Variants in CAMTA1 observed in about 807,000 individuals in gnomAD.
CAMTA1 encodes the protein calmodulin binding transcription activator 1.
In CAMTA1, 27 loss-of-function variants were observed where a neutral mutation model predicts 170.9. The ratio of observed to expected loss-of-function variants is 0.16; its 90% CI spans 0.12 to 0.22. The LOEUF is 0.22. Ranked by LOEUF, CAMTA1 falls within the 10% of genes least tolerant of loss-of-function variation. The pLI is 1.00. For missense variants in CAMTA1, 1,619 were observed against 2,217.2 expected, an observed-to-expected ratio of 0.73 and a Z score of 5.42; for synonymous variants, 833 against 891.5, an observed-to-expected ratio of 0.93 and a Z score of 1.17.
chr1:7,411,754 TA>T (rs2090776215), intron 5 of CAMTA1, among the ~76,000 whole-genome samples: 1 of 152,054 alleles, frequency 6.6e-6, no homozygotes, highest in Non-Finnish European at 1.5e-5. Flanking sequence ...TTCCTTTTTT[TA>T]TTTTATTTTA....
intron 6 of CAMTA1, among the ~76,000 whole-genome samples, chr1:7,571,112 A>C (rs890254764): frequency 6.6e-6 from 1 of 152,250 alleles, no homozygotes; most frequent in Non-Finnish European, 1.5e-5. Flanking sequence ...GCAAAATGAC[A>C]TAAACTAGGC....
intron 5 of CAMTA1, among the ~76,000 whole-genome samples, chr1:7,256,897 G>C (rs9988605): frequency 0.6 from 89,890 of 151,034 alleles, 27,392 homozygotes; most frequent in African/African-American, 0.65. Flanking sequence ...TGTCTGGCAA[G>C]GGCCTGTTTC....
intron 11 of CAMTA1, among the ~76,000 whole-genome samples, chr1:7,688,573 G>A (rs1047785278): frequency 6.6e-6 from 1 of 152,252 alleles, no homozygotes. Context: ...ACCCACCATG[G>A]AGAAGAGAAG....
chr1:6,814,435 G>A (rs558580394), intron 1 of CAMTA1, among the ~76,000 whole-genome samples: 1 of 152,090 alleles, frequency 6.6e-6, no homozygotes, highest in East Asian at 1.9e-4. Context: ...TTGAGGCATG[G>A]GTATCATGCC....
intron 4 of CAMTA1, among the ~76,000 whole-genome samples, chr1:7,192,512 G>T (rs149371055): frequency 1.6e-4 from 25 of 152,322 alleles, no homozygotes; most frequent in African/African-American, 6.0e-4. Flanking sequence ...CTCAAATCTG[G>T]GAATTTTTGA....
intron 11 of CAMTA1, among the ~76,000 whole-genome samples, chr1:7,698,079 C>CA (rs1325272350): frequency 7.2e-6 from 1 of 139,126 alleles, no homozygotes; most frequent in Non-Finnish European, 1.6e-5. Flanking sequence ...CTGTGACCCC[C>CA]CCCCCCCCCA....
At position 7,239,498 on chromosome 1, in the gene CAMTA1, G is replaced by T. The variant is rs575045434; in HGVS notation, c.303-9993G>T. On this transcript the variant is annotated intron_variant, in intron 4 of 22. Coordinates refer to ENST00000303635, the MANE Select transcript of CAMTA1 (RefSeq NM_015215.4). ...ATTGGTTAAAGAAGCCAAGTCATTT[G>T]CCCCGTAGAGTCTTCCATAGTCTGG... Among the ~76,000 whole-genome samples, 4 of 152,156 alleles carry T rather than the reference G, an allele frequency of 2.6e-5. No homozygotes were observed. The South Asian group carries it at 8.3e-4, about 32-fold the overall frequency.
At chr1:7,148,015 T>C (rs1239429539) in intron 4 of CAMTA1, among the ~76,000 whole-genome samples, 1 of 144,028 alleles carries the variant, frequency 6.9e-6, no homozygotes, top group African/African-American at 2.6e-5. Flanking sequence ...CACTCAAACA[T>C]ACATCACACA....
At chr1:7,538,473 G>A (rs1024797924) in intron 6 of CAMTA1, among the ~76,000 whole-genome samples, 6 of 152,152 alleles carry the variant, frequency 3.9e-5, no homozygotes, top group African/African-American at 1.2e-4. Flanking sequence ...TAACATAGGA[G>A]ACTTCGTCTC....
At chr1:7,193,495 A>G (rs759597819) in intron 4 of CAMTA1, among the ~76,000 whole-genome samples, 33 of 151,900 alleles carry the variant, frequency 2.2e-4, no homozygotes, top group Admixed American at 3.9e-4. Context: ...ATGACAGCAG[A>G]TAAGTGCCAG....
chr1:7,103,171 G>A (rs1204015894), intron 4 of CAMTA1, among the ~76,000 whole-genome samples: 2 of 152,038 alleles, frequency 1.3e-5, no homozygotes, highest in African/African-American at 4.8e-5. Context: ...ACCTACCTGA[G>A]TAGCTATTAT....
chr1:7,258,771 T>A (rs1227032902), intron 5 of CAMTA1, among the ~76,000 whole-genome samples: 1 of 152,192 alleles, frequency 6.6e-6, no homozygotes, highest in Non-Finnish European at 1.5e-5. Flanking sequence ...GGAAGTTTCC[T>A]CCCGTCATTG....
rs763341073 is a variant in CAMTA1, at chr1:7,195,276, A to C, written c.303-54215A>C. On this transcript the variant is annotated intron_variant, in intron 4 of 22. Transcript: ENST00000303635. The surrounding 1 kb of genome is among the most constrained non-coding windows in gnomAD (Gnocchi z 4.1). Reference sequence around the variant, plus strand: ...ATTCGACATTTGGGGTGACCAAGTCATGCACTCTGACCAGTGAAATGCAAG... The same window carrying C: ...ATTCGACATTTGGGGTGACCAAGTCCTGCACTCTGACCAGTGAAATGCAAG... Among the ~76,000 whole-genome samples the C allele has an allele frequency of 7.2e-5, 11 of 152,192 alleles. No homozygotes were observed. Among genetic ancestry groups the C allele is most frequent in the Non-Finnish European group, 1.6e-4 (11 of 68,044 alleles).
chr1:7,168,586 TAG>T (rs1648974398), intron 4 of CAMTA1, among the ~76,000 whole-genome samples: 1 of 152,148 alleles, frequency 6.6e-6, no homozygotes, highest in South Asian at 2.1e-4. Flanking sequence ...GTATTTTTAG[TAG>T]AGACAGAGTT....
At chr1:6,882,484 T>A (rs1431183316) in intron 3 of CAMTA1, among the ~76,000 whole-genome samples, 1 of 152,108 alleles carries the variant, frequency 6.6e-6, no homozygotes, top group African/African-American at 2.4e-5. Context: ...TGTATTAATA[T>A]AGGAAGAGTC....
intron 3 of CAMTA1, among the ~76,000 whole-genome samples, chr1:6,840,872 G>A (rs941468824): frequency 2.6e-5 from 4 of 152,144 alleles, no homozygotes; most frequent in Admixed American, 6.5e-5. Context: ...AGGAGGGTGC[G>A]TCACTTTTAT....
chr1:7,082,627 T>C (rs990260705), intron 3 of CAMTA1, among the ~76,000 whole-genome samples: 3 of 152,228 alleles, frequency 2.0e-5, no homozygotes, highest in African/African-American at 7.2e-5. Flanking sequence ...TCTGCCTTTC[T>C]ATTCCTTGTC....
At chr1:7,501,458 G>A (rs566866401) in intron 6 of CAMTA1, among the ~76,000 whole-genome samples, 2 of 152,254 alleles carry the variant, frequency 1.3e-5, no homozygotes, top group East Asian at 3.9e-4. Flanking sequence ...ATTAGGGATG[G>A]CCTTGGGCTT....
intron 7 of CAMTA1, among the ~76,000 whole-genome samples, chr1:7,646,517 G>C (rs2095806511): frequency 7.1e-6 from 1 of 139,866 alleles, no homozygotes; most frequent in African/African-American, 2.7e-5. Flanking sequence ...CCTGGTGAGT[G>C]GTTGGAGGCC....
Sources: allele counts gnomAD v4.1 joint callset (sites outside exome capture counted in the v4.1 genomes callset), GRCh38; gene constraint gnomAD v4.1.1; non-coding constraint Gnocchi (gnomAD v3.1); transcripts MANE v1.5; gene names NCBI Gene and HGNC (gene_info 2026-07-23, HGNC 2026-07-21).